The following NOX4 variants were observed in gnomAD, a reference collection of about 807,000 sequenced individuals.
NOX4 encodes the protein NADPH oxidase 4.
In NOX4, 69 loss-of-function variants were observed where a neutral mutation model predicts 87.6. The ratio of observed to expected loss-of-function variants is 0.79; its 90% CI spans 0.65 to 0.96. NOX4 has a LOEUF of 0.96. NOX4 is among the 40% of genes least tolerant of loss of function. The pLI is 0.00. For missense variants in NOX4, 680 were observed against 681.5 expected, an observed-to-expected ratio of 1.00 and a Z score of 0.02; for synonymous variants, 275 against 238.2, an observed-to-expected ratio of 1.15 and a Z score of -1.42.
At chr11:89,515,810 T>C in the NOX4 span, among the ~76,000 whole-genome samples, 1 of 152,018 alleles carries the variant, frequency 6.6e-6, no homozygotes, top group Admixed American at 6.6e-5. Flanking sequence ...TTAAAAGTAA[T>C]TTGTTGAAAA....
chr11:89,431,897 C>A (rs1430055145), intron 7 of NOX4, among the ~76,000 whole-genome samples: 2 of 152,140 alleles, frequency 1.3e-5, no homozygotes, highest in African/African-American at 2.4e-5. Flanking sequence ...AAGACACAGG[C>A]ACACGTATGT....
At chr11:89,529,078 A>G in the NOX4 span, among the ~76,000 whole-genome samples, 1 of 152,168 alleles carries the variant, frequency 6.6e-6, no homozygotes, top group Non-Finnish European at 1.5e-5. Flanking sequence ...AAGAGAAAGA[A>G]TTAAAAAAAA....
intron 8 of NOX4, among the ~76,000 whole-genome samples, chr11:89,416,337 C>T (rs555342497): frequency 8.3e-4 from 127 of 152,262 alleles, no homozygotes; most frequent in African/African-American, 3.0e-3. Flanking sequence ...ATTTGACTTT[C>T]TAAGAGGAGC....
At chr11:89,380,325 T>C (rs1253891465) in intron 11 of NOX4, among the ~76,000 whole-genome samples, 9 of 152,142 alleles carry the variant, frequency 5.9e-5, no homozygotes, top group Non-Finnish European at 1.3e-4. Context: ...TGATCAGCTG[T>C]ATTAAGAGCT....
At chr11:89,556,017 C>G in the NOX4 span, among the ~76,000 whole-genome samples, 1 of 152,038 alleles carries the variant, frequency 6.6e-6, no homozygotes, top group Non-Finnish European at 1.5e-5. Context: ...GCTAAAAAAA[C>G]CTTTGTGAAG....
chr11:89,467,755 C>A (rs1464035886), intron 2 of NOX4, among the ~76,000 whole-genome samples: 2 of 152,150 alleles, frequency 1.3e-5, no homozygotes, highest in African/African-American at 4.8e-5. Context: ...TGGGGGGACA[C>A]AAATATTCAG....
At chr11:89,497,807 G>T (rs1004964062) in intron 1 of NOX4, among the ~76,000 whole-genome samples, 2 of 152,152 alleles carry the variant, frequency 1.3e-5, no homozygotes, top group Non-Finnish European at 1.5e-5. Context: ...TTTAATGAAA[G>T]AAATGAAAGA....
intron 2 of NOX4, among the ~76,000 whole-genome samples, chr11:89,479,518 T>G (rs1946305100): frequency 6.6e-6 from 1 of 152,206 alleles, no homozygotes; most frequent in Non-Finnish European, 1.5e-5. Flanking sequence ...AAAATTATTA[T>G]ACTTTGGTTA....
intron 12 of NOX4, among the ~76,000 whole-genome samples, chr11:89,369,960 T>C (rs1283309937): frequency 6.6e-6 from 1 of 151,902 alleles, no homozygotes; most frequent in Non-Finnish European, 1.5e-5. Flanking sequence ...ACGTAACACA[T>C]GTTCTGTTTA....
the NOX4 span, among the ~76,000 whole-genome samples, chr11:89,541,732 A>T: frequency 6.6e-6 from 1 of 152,250 alleles, no homozygotes; most frequent in Non-Finnish European, 1.5e-5. Context: ...AAATAAAAGC[A>T]TGTTTCTAAA....
chr11:89,573,593 C>T, the NOX4 span, among the ~76,000 whole-genome samples: 3 of 152,112 alleles, frequency 2.0e-5, no homozygotes, highest in Non-Finnish European at 4.4e-5. Context: ...CGAATCTGTA[C>T]GGGTCTGCAG....
chr11:89,517,726 T>C, the NOX4 span, among the ~76,000 whole-genome samples: 1 of 151,912 alleles, frequency 6.6e-6, no homozygotes, highest in Non-Finnish European at 1.5e-5. Context: ...CAAGCAATCC[T>C]CCCACCTCAG....
the NOX4 span, among the ~76,000 whole-genome samples, chr11:89,549,904 G>T: frequency 6.6e-6 from 1 of 152,114 alleles, no homozygotes; most frequent in African/African-American, 2.4e-5. Context: ...ATCATTGATG[G>T]GCATTTGGAT....
chr11:89,347,174 G>A (rs555591839), intron 13 of NOX4, among the ~76,000 whole-genome samples: 49 of 152,228 alleles, frequency 3.2e-4, no homozygotes, highest in Non-Finnish European at 5.4e-4. Context: ...AAACTGTACC[G>A]GAATAACCAC....
intron 8 of NOX4, among the ~76,000 whole-genome samples, chr11:89,416,529 C>A (rs997543467): frequency 6.6e-6 from 1 of 152,178 alleles, no homozygotes; most frequent in African/African-American, 2.4e-5. Flanking sequence ...TTAATGTCCT[C>A]CTCCTGAGGC....
rs112045161 is a variant in NOX4 at position 89,442,979 on chromosome 11, T to C, written c.447+1156A>G. Among the ~76,000 whole-genome samples the C allele has an allele frequency of 3.2e-4, 48 of 152,156 alleles. 1 individual carries two copies. The highest frequency in any genetic ancestry group is 8.7e-4 in the African/African-American group (36 of 41,524). On this transcript the variant is annotated intron_variant, in intron 5 of 17. Coordinates refer to ENST00000263317, the MANE Select transcript of NOX4 (RefSeq NM_016931.5). ...GAAAGGGAAGCAGGTGGAAGTGAGA[T>C]GGGCAGAAGTGGAGGCTGGGTCTGA...
At chr11:89,349,486 T>C (rs1274655430) in intron 13 of NOX4, among the ~76,000 whole-genome samples, 3 of 152,090 alleles carry the variant, frequency 2.0e-5, no homozygotes, top group Non-Finnish European at 4.4e-5. Context: ...CATCTGAGGC[T>C]TTGCAGTTTA....
At chr11:89,581,681 G>T in the NOX4 span, among the ~76,000 whole-genome samples, 1 of 151,938 alleles carries the variant, frequency 6.6e-6, no homozygotes, top group Non-Finnish European at 1.5e-5. Context: ...ATATATTACT[G>T]CTTTTTTTAA....
At chr11:89,369,513 T>C (rs528001946) in intron 12 of NOX4, among the ~76,000 whole-genome samples, 74 of 152,212 alleles carry the variant, frequency 4.9e-4, no homozygotes, top group Middle Eastern at 6.8e-3. Flanking sequence ...TAACATACAT[T>C]TGATTATTAG....
Sources: allele counts gnomAD v4.1 joint callset (sites outside exome capture counted in the v4.1 genomes callset), GRCh38; gene constraint gnomAD v4.1.1; transcripts MANE v1.5; gene names NCBI Gene and HGNC (gene_info 2026-07-23, HGNC 2026-07-21).